DMC1: variants seen among roughly 807,000 people sequenced by gnomAD.
The protein encoded by DMC1 is DNA meiotic recombinase 1, also known as meiotic recombination protein DMC1 homolog.
A neutral mutation model predicts 50.1 loss-of-function variants in DMC1; 27 were observed. The observed-to-expected ratio is 0.54, with a 90% CI of 0.40 to 0.74. DMC1 has a LOEUF of 0.74. DMC1 is among the 30% of genes least tolerant of loss of function. The pLI is 0.00. For synonymous variants in DMC1, 148 were observed against 136.1 expected (o/e 1.09, Z -0.61); for missense variants, 295 against 420.2 (o/e 0.70, Z 2.60).
chr22:38,545,980 ATG>A (rs2090339710), intron 8 of DMC1: 3 of 152,386 alleles, frequency 2.0e-5, no homozygotes, highest in South Asian at 4.1e-4. Flanking sequence ...CACGGAAAGA[ATG>A]AGAACACTCC....
At chr22:38,537,905 G>A (rs1327524396) in intron 11 of DMC1, among the ~76,000 whole-genome samples, 1 of 152,136 alleles carries the variant, frequency 6.6e-6, no homozygotes, top group African/African-American at 2.4e-5. Context: ...AGCACTTTGG[G>A]AGGCTGAGGC....
chr22:38,533,481 AT>A (rs1170203380), intron 12 of DMC1, among the ~76,000 whole-genome samples: 1 of 152,100 alleles, frequency 6.6e-6, no homozygotes, highest in Non-Finnish European at 1.5e-5. Flanking sequence ...TTAAGGGTAA[AT>A]TTGGAAAATG....
At chr22:38,532,863 C>T (rs1157126221) in intron 12 of DMC1, among the ~76,000 whole-genome samples, 1 of 152,074 alleles carries the variant, frequency 6.6e-6, no homozygotes, top group African/African-American at 2.4e-5. Flanking sequence ...CTGCCTCGGC[C>T]TCCCAAAGTG....
chr22:38,537,352 T>C (rs1041584404), intron 12 of DMC1, among the ~76,000 whole-genome samples: 1 of 152,066 alleles, frequency 6.6e-6, no homozygotes, highest in Non-Finnish European at 1.5e-5. Context: ...TAGCTGAGAT[T>C]ACAGGTGTGC....
At chr22:38,515,848 G>A (rs1014419399), downstream of DMC1, among the ~76,000 whole-genome samples, 4 of 152,088 alleles carry the variant, frequency 2.6e-5, no homozygotes, top group Admixed American at 2.6e-4. Context: ...TTTACTCTAT[G>A]GACTCACCCC....
In DMC1 at chr22:38,521,717, C is replaced by A; in HGVS notation, c.844G>T (p.Ala282Ser). The A allele has an allele frequency of 6.2e-7, 1 of 1,608,844 alleles. No homozygotes were observed. The highest frequency in any genetic ancestry group is 1.1e-5 in the South Asian group (1 of 90,968). The change falls in exon 13 of 14, where the codon GCA becomes TCA. Residue 282 changes from alanine to serine, a missense_variant. Coordinates refer to ENST00000216024, the MANE Select transcript of DMC1 (RefSeq NM_007068.4). Reference sequence around the variant, plus strand: ...CCCCCAATGGGTTTTTTGGGATCTGCCTGAAAGCTGAATTAATAAAATACT... The same window carrying A: ...CCCCCAATGGGTTTTTTGGGATCTGACTGAAAGCTGAATTAATAAAATACT... Reference protein sequence around the residue: ...ADPGATMTFQADPKKPIGGHI... With the variant: ...ADPGATMTFQSDPKKPIGGHI...
chr22:38,525,080 AATT>A (rs1428402869), intron 12 of DMC1, among the ~76,000 whole-genome samples: 3 of 152,126 alleles, frequency 2.0e-5, no homozygotes, highest in Non-Finnish European at 4.4e-5. Context: ...TAAATAAATT[AATT>A]AATTAATTAA....
At chr22:38,557,988 A>T (rs1410906915) in intron 5 of DMC1, among the ~76,000 whole-genome samples, 7 of 62,540 alleles carry the variant, frequency 1.1e-4, no homozygotes, top group South Asian at 5.3e-4. Flanking sequence ...TTTGAGACGG[A>T]GTCTCACTCT....
chr22:38,537,823 A>G (rs1174152169), intron 11 of DMC1, among the ~76,000 whole-genome samples, 171 bp from the exon 12 acceptor site: 1 of 152,160 alleles, frequency 6.6e-6, no homozygotes, highest in Admixed American at 6.5e-5. Flanking sequence ...TATTATTATT[A>G]AGGTTAGAAT....
intron 13 of DMC1, among the ~76,000 whole-genome samples, chr22:38,520,736 C>T (rs2090015257): frequency 1.3e-5 from 2 of 152,132 alleles, no homozygotes; most frequent in Non-Finnish European, 2.9e-5. Flanking sequence ...TAGGGGTATG[C>T]ACCTTTCTTA....
At chr22:38,562,155 A>C (rs549661886) in intron 5 of DMC1, 132 bp downstream of exon 5, 135 of 653,572 alleles carry the variant, frequency 2.1e-4, no homozygotes, top group African/African-American at 3.1e-4. Flanking sequence ...TTTAGAAAAA[A>C]AAACAAACAA....
intron 12 of DMC1, among the ~76,000 whole-genome samples, chr22:38,528,567 T>C (rs2090121277): frequency 1.3e-5 from 2 of 151,870 alleles, no homozygotes; most frequent in African/African-American, 4.8e-5. Flanking sequence ...GTTTGATCCC[T>C]TGGAGGCCCA....
the DMC1 span, among the ~76,000 whole-genome samples, chr22:38,509,415 C>T: frequency 1.3e-5 from 2 of 152,176 alleles, no homozygotes; most frequent in African/African-American, 2.4e-5. Context: ...GCTTTCTGCT[C>T]ACGCTCAGAT....
chr22:38,544,714 C>G (rs1422273555), intron 8 of DMC1, among the ~76,000 whole-genome samples: 2 of 152,002 alleles, frequency 1.3e-5, no homozygotes, highest in African/African-American at 2.4e-5. Flanking sequence ...CAACCTCCAC[C>G]TCCTGGAATC....
the DMC1 span, among the ~76,000 whole-genome samples, chr22:38,509,156 CTT>C: frequency 6.6e-6 from 1 of 152,234 alleles, no homozygotes; most frequent in East Asian, 1.9e-4. Flanking sequence ...CTTGCCTGGC[CTT>C]TGTCATCAAC....
chr22:38,550,756 C>T (rs911129737), intron 7 of DMC1, among the ~76,000 whole-genome samples: 10 of 150,318 alleles, frequency 6.7e-5, no homozygotes, highest in South Asian at 2.1e-4. Flanking sequence ...CATGGTAAAA[C>T]CCTGTCTCTA....
At chr22:38,555,216 G>A in intron 6 of DMC1, 141 bp downstream of exon 6, 2 of 605,676 alleles carry the variant, frequency 3.3e-6, no homozygotes, top group Non-Finnish European at 5.9e-6. Context: ...CTCATGTTAT[G>A]ATAATTGAGA....
At chr22:38,539,479 A>C in intron 8 of DMC1, 67 bp from the exon 9 acceptor site, 1 of 1,192,380 alleles carries the variant, frequency 8.4e-7, no homozygotes, top group Non-Finnish European at 1.3e-6. Flanking sequence ...CCACTACAAA[A>C]CATAATATCT....
chr22:38,568,117 A>G, intron 2 of DMC1, 89 bp downstream of exon 2: 1 of 1,170,378 alleles, frequency 8.5e-7, no homozygotes, highest in Non-Finnish European at 1.3e-6. Flanking sequence ...TTCTACTTTC[A>G]GCTTCTAAAA....
Sources: allele counts gnomAD v4.1 joint callset (sites outside exome capture counted in the v4.1 genomes callset), GRCh38; gene constraint gnomAD v4.1.1; transcripts MANE v1.5; gene names NCBI Gene and HGNC (gene_info 2026-07-23, HGNC 2026-07-21).